Variants in SNURF observed in about 807,000 individuals in gnomAD.
The protein encoded by SNURF is SNRPN upstream open reading frame.
A neutral mutation model predicts 11.6 loss-of-function variants in SNURF; 6 were observed. The observed-to-expected ratio is 0.52, with a 90% CI of 0.28 to 1.02. SNURF has a LOEUF of 1.02. Among genes scored for constraint, SNURF ranks in the 50% least tolerant of loss-of-function variants. The pLI, the probability that SNURF is intolerant of heterozygous loss-of-function variation, is 0.09. For missense variants in SNURF, 84 were observed against 88.4 expected, an observed-to-expected ratio of 0.95 and a Z score of 0.20; for synonymous variants, 29 against 31.6, an observed-to-expected ratio of 0.92 and a Z score of 0.27.
At chr15:24,977,018 C>T in exon 6 of SNURF, 1 of 1,574,264 alleles carries the variant, frequency 6.4e-7, no homozygotes, top group Non-Finnish European at 8.6e-7. Context: ...AGTTGGGGGA[C>T]CATCCCAGCA....
downstream of SNURF, chr15:24,978,468 A>T (rs369397502): frequency 6.2e-6 from 10 of 1,608,964 alleles, no homozygotes; most frequent in African/African-American, 1.3e-4. Context: ...CATCTCAGTC[A>T]CTTTTTCCCC....
chr15:24,974,600 C>A, intron 3 of SNURF: 1 of 820,736 alleles, frequency 1.2e-6, no homozygotes, highest in Non-Finnish European at 2.1e-6. Context: ...CATTGAGTAT[C>A]AGCTGAAGAT....
intron 5 of SNURF, chr15:24,976,441 G>T: frequency 6.8e-7 from 1 of 1,480,564 alleles, no homozygotes; most frequent in South Asian, 1.2e-5. Context: ...GGGCAGGACA[G>T]AACTTTAATT....
downstream of SNURF, among the ~76,000 whole-genome samples, chr15:24,971,898 A>G (rs1301888911): frequency 6.6e-6 from 1 of 152,128 alleles, no homozygotes; most frequent in Non-Finnish European, 1.5e-5. Flanking sequence ...TTGCTCATTC[A>G]CAGTCATGAT....
At chr15:24,957,731 T>C (rs972187269) in intron 1 of SNURF, among the ~76,000 whole-genome samples, 1 of 152,140 alleles carries the variant, frequency 6.6e-6, no homozygotes, top group Admixed American at 6.5e-5. Context: ...ATATTTATAA[T>C]TTACCCTTTT....
At chr15:24,974,447 A>T in intron 3 of SNURF, 1 of 1,613,820 alleles carries the variant, frequency 6.2e-7, no homozygotes, top group South Asian at 1.1e-5. Flanking sequence ...TTGGTGGAAC[A>T]GCAATCATGG....
At chr15:24,970,644 AT>A (rs1447494721), downstream of SNURF, among the ~76,000 whole-genome samples, 13 of 152,190 alleles carry the variant, frequency 8.5e-5, no homozygotes, top group Admixed American at 8.5e-4. Flanking sequence ...CAGGGTACAT[AT>A]CCAACTGGAT....
In SNURF at chr15:24,956,715, G is replaced by C. The variant is rs144707247; in HGVS notation, c.14+1653G>C. 8.1e-4 allele frequency among the ~76,000 whole-genome samples: 123 copies of C among 152,320 alleles called. 1 individual carries two copies. In the East Asian group the frequency reaches 0.023, roughly 28 times the overall value. On this transcript the variant is annotated intron_variant, in intron 1 of 2. Coordinates refer to ENST00000577949, the Ensembl canonical transcript of SNURF. ...GGCGCAGTAGAGGGGGGAGGAGGGA[G>C]ATGGGTTGGCGCAGGCTCCGCCTAG...
intron 2 of SNURF, among the ~76,000 whole-genome samples, chr15:24,962,486 C>T (rs445368): frequency 0.13 from 19,905 of 152,084 alleles, 2,521 homozygotes; most frequent in African/African-American, 0.33. Context: ...CATAAGCATA[C>T]TTAAATTTTT....
chr15:24,965,941 C>CAA (rs34649368), intron 2 of SNURF, among the ~76,000 whole-genome samples: 77,515 of 151,822 alleles, frequency 0.51, 21,732 homozygotes, highest in African/African-American at 0.75. Context: ...CATTTGTAAA[C>CAA]AGAGGTTAGA....
rs185372099 is a variant in SNURF at position 24,965,830 on chromosome 15, C to T, written c.111-2102C>T. Among the ~76,000 whole-genome samples the T allele has an allele frequency of 3.3e-5, 5 of 152,108 alleles. No individual in the cohort carries two copies. In the East Asian group the frequency reaches 9.7e-4, roughly 29 times the overall value. On this transcript the variant is annotated intron_variant, in intron 2 of 2. Transcript: ENST00000577949. ...CAGGTTAGATCTGAGGGGGACATTG[C>T]AATAGAGAATTATCTTACGTTTCAA...
intron 3 of SNURF, among the ~76,000 whole-genome samples, chr15:24,973,875 G>A (rs1023623712): frequency 3.3e-5 from 5 of 152,122 alleles, no homozygotes; most frequent in African/African-American, 9.7e-5. Flanking sequence ...ATCTTGAAGC[G>A]AATTTAGGGG....
chr15:24,956,636 A>G (rs1200512109), intron 1 of SNURF, among the ~76,000 whole-genome samples: 1 of 152,182 alleles, frequency 6.6e-6, no homozygotes, highest in East Asian at 1.9e-4. Flanking sequence ...CCTGGAAGGA[A>G]TGGCAGCCCT....
chr15:24,968,267 T>A, exon 3 of SNURF: 1 of 498,822 alleles, frequency 2.0e-6, no homozygotes, highest in South Asian at 2.2e-5. Context: ...TTTCGTCATG[T>A]TTCTGTATTC....
chr15:24,958,465 C>A (rs1254972312), intron 1 of SNURF, among the ~76,000 whole-genome samples: 3 of 93,398 alleles, frequency 3.2e-5, no homozygotes, highest in East Asian at 5.9e-4. Context: ...CTCTCCATTT[C>A]TGGATGCTAG....
chr15:24,968,315 T>C (rs1316330884), exon 3 of SNURF: 5 of 322,986 alleles, frequency 1.5e-5, no homozygotes, highest in Admixed American at 4.7e-5. Context: ...TAGTTTTCTT[T>C]TGCGTTTTTT....
At chr15:24,974,941 A>G in intron 3 of SNURF, 2 of 703,018 alleles carry the variant, frequency 2.8e-6, no homozygotes, top group South Asian at 3.0e-5. Context: ...ACTGTCCTGC[A>G]GATGATGGAC....
chr15:24,974,572 G>A (rs2076845765), intron 3 of SNURF: 1 of 952,902 alleles, frequency 1.0e-6, no homozygotes, highest in Non-Finnish European at 1.7e-6. Context: ...ATACATCCAT[G>A]GATATGGATT....
chr15:24,978,524 G>A, downstream of SNURF: 6 of 1,271,698 alleles, frequency 4.7e-6, no homozygotes, highest in Non-Finnish European at 6.9e-6. Context: ...TGAGCTTTTT[G>A]TTCCCTCATT....
Sources: gnomAD v4.1 joint callset for allele counts (sites outside exome capture counted in the v4.1 genomes callset) on GRCh38, gnomAD v4.1.1 for gene constraint, MANE v1.5 for transcripts, NCBI Gene and HGNC (gene_info 2026-07-23, HGNC 2026-07-21) for gene names.